The following XNDC1N variants were observed in gnomAD, a reference collection of about 807,000 sequenced individuals.
XNDC1N encodes the protein protein XNDC1N.
the XNDC1N span, among the ~76,000 whole-genome samples, chr11:71,892,915 G>A: frequency 6.6e-6 from 1 of 152,104 alleles, no homozygotes; most frequent in East Asian, 1.9e-4. Context: ...ACCGAAGGAT[G>A]ATGATAAATA....
At chr11:71,873,280 GCT>G in the XNDC1N span, among the ~76,000 whole-genome samples, 1 of 151,832 alleles carries the variant, frequency 6.6e-6, no homozygotes, top group African/African-American at 2.4e-5. Context: ...TACCACTTTG[GCT>G]GCAATCCACA....
chr11:71,900,722 G>T, the XNDC1N span, among the ~76,000 whole-genome samples: 9 of 152,118 alleles, frequency 5.9e-5, no homozygotes, highest in South Asian at 2.1e-4. Context: ...CCTTACTGAG[G>T]GCTTCCTAAA....
the XNDC1N span, chr11:71,917,771 A>G: frequency 1.4e-6 from 1 of 703,362 alleles, no homozygotes; most frequent in Non-Finnish European, 2.6e-6. Context: ...GCACAGCCAC[A>G]GTTACCTGGG....
At chr11:71,899,248 C>A in the XNDC1N span, among the ~76,000 whole-genome samples, 1 of 152,140 alleles carries the variant, frequency 6.6e-6, no homozygotes, top group Non-Finnish European at 1.5e-5. Flanking sequence ...ACCTGTATCA[C>A]CCTGTCTTCT....
At chr11:71,915,883 G>C in the XNDC1N span, among the ~76,000 whole-genome samples, 1 of 152,158 alleles carries the variant, frequency 6.6e-6, no homozygotes, top group African/African-American at 2.4e-5. Flanking sequence ...CATATTCCAC[G>C]TGTGAGACAG....
chr11:71,915,579 A>C, the XNDC1N span, among the ~76,000 whole-genome samples: 1 of 152,220 alleles, frequency 6.6e-6, no homozygotes, highest in South Asian at 2.1e-4. Context: ...AACCTGGAAC[A>C]TCTCCAAGGT....
At chr11:71,909,466 G>A in the XNDC1N span, among the ~76,000 whole-genome samples, 24 of 152,258 alleles carry the variant, frequency 1.6e-4, no homozygotes, top group East Asian at 4.6e-3. Context: ...AAGAAAACAA[G>A]GTGACTCAGA....
the XNDC1N span, among the ~76,000 whole-genome samples, chr11:71,900,864 C>G: frequency 6.6e-6 from 1 of 152,216 alleles, no homozygotes; most frequent in African/African-American, 2.4e-5. Flanking sequence ...AGAACTCGTA[C>G]TAGATCATGA....
chr11:71,926,846 A>T, the XNDC1N span, among the ~76,000 whole-genome samples: 1 of 152,098 alleles, frequency 6.6e-6, no homozygotes. Context: ...GGTTGCAGTG[A>T]GCCAAGATCA....
chr11:71,889,118 C>T, the XNDC1N span, among the ~76,000 whole-genome samples: 4 of 152,316 alleles, frequency 2.6e-5, 1 homozygote, highest in South Asian at 8.3e-4. Context: ...GAACTCATTG[C>T]TTTCATTCGG....
At chr11:71,872,469 A>T in the XNDC1N span, among the ~76,000 whole-genome samples, 1 of 152,184 alleles carries the variant, frequency 6.6e-6, no homozygotes, top group East Asian at 1.9e-4. Flanking sequence ...AGAAATAGGA[A>T]TTATCACACT....
the XNDC1N span, among the ~76,000 whole-genome samples, chr11:71,895,475 ATTTTTTTTTTTTT>A: frequency 3.0e-5 from 3 of 98,366 alleles, no homozygotes; most frequent in Middle Eastern, 8.1e-3. Flanking sequence ...ATGCCTGGCT[ATTTTTTTTTTTTT>A]TTTTTTTTTT....
the XNDC1N span, among the ~76,000 whole-genome samples, chr11:71,877,507 GTGTGCC>G: frequency 1.3e-5 from 2 of 152,200 alleles, no homozygotes; most frequent in South Asian, 2.1e-4. Flanking sequence ...GCATGGAGAC[GTGTGCC>G]TGTAATCCCA....
chr11:71,890,320 C>T, the XNDC1N span, among the ~76,000 whole-genome samples: 13 of 152,074 alleles, frequency 8.5e-5, no homozygotes, highest in African/African-American at 9.7e-5. Flanking sequence ...ACGCCTGTCG[C>T]GAAATTCAAT....
chr11:71,878,508 C>T, the XNDC1N span: 22 of 1,610,536 alleles, frequency 1.4e-5, no homozygotes, highest in South Asian at 2.3e-4. Context: ...ACAGTTCCTC[C>T]AAGTAAGGCA....
chr11:71,909,997 C>G, the XNDC1N span, among the ~76,000 whole-genome samples: 2 of 152,120 alleles, frequency 1.3e-5, no homozygotes, highest in South Asian at 2.1e-4. Context: ...GCCAAGAGTA[C>G]GGGCAGAAGA....
At chr11:71,915,712 C>T in the XNDC1N span, among the ~76,000 whole-genome samples, 1 of 46,878 alleles carries the variant, frequency 2.1e-5, no homozygotes, top group Non-Finnish European at 1.3e-4. Context: ...AGCTTTGGGA[C>T]TTACAGTGAG....
chr11:71,906,244 G>A, the XNDC1N span, among the ~76,000 whole-genome samples: 2 of 150,988 alleles, frequency 1.3e-5, no homozygotes, highest in African/African-American at 4.9e-5. Context: ...AATGTCACAG[G>A]GTGTTATCTT....
the XNDC1N span, among the ~76,000 whole-genome samples, chr11:71,926,852 G>A: frequency 1.3e-5 from 2 of 151,938 alleles, no homozygotes; most frequent in Admixed American, 6.6e-5. Context: ...AGTGAGCCAA[G>A]ATCACCCCTC....
Sources: gnomAD v4.1 joint callset for allele counts (sites outside exome capture counted in the v4.1 genomes callset) on GRCh38, gnomAD v4.1.1 for gene constraint, MANE v1.5 for transcripts, NCBI Gene and HGNC (gene_info 2026-07-23, HGNC 2026-07-21) for gene names.